The following ATF7 variants were observed in gnomAD, a reference collection of about 807,000 sequenced individuals.
The protein encoded by ATF7 is cyclic AMP-dependent transcription factor ATF-7.
ATF7 carries 10 observed loss-of-function variants against 50.4 expected under a neutral mutation model. The ratio of observed to expected loss-of-function variants is 0.20; its 90% confidence interval spans 0.12 to 0.34. The LOEUF (loss-of-function observed/expected upper bound fraction) is 0.34, where lower values mean the gene tolerates loss of function less well. Ranked by LOEUF, ATF7 falls within the 10% of genes least tolerant of loss-of-function variation. The pLI is 1.00. For missense variants in ATF7, 465 were observed against 613.9 expected, an observed-to-expected ratio of 0.76 and a Z score of 2.56; for synonymous variants, 201 against 226.4, an observed-to-expected ratio of 0.89 and a Z score of 1.01.
downstream of ATF7, among the ~76,000 whole-genome samples, chr12:53,511,343 G>T (rs1007477180): frequency 7.2e-5 from 11 of 152,146 alleles, no homozygotes; most frequent in Admixed American, 3.3e-4. Flanking sequence ...CTGCCTCCCA[G>T]GTTCAAGTGA....
intron 11 of ATF7, 144 bp downstream of exon 11, chr12:53,523,132 T>G (rs1938224742): frequency 3.3e-6 from 2 of 614,020 alleles, no homozygotes; most frequent in Admixed American, 2.9e-5. Context: ...TTTCTAGGTC[T>G]GGTTGCTCCA....
chr12:53,565,044 C>T (rs1941371930), intron 2 of ATF7, among the ~76,000 whole-genome samples: 1 of 152,086 alleles, frequency 6.6e-6, no homozygotes, highest in Non-Finnish European at 1.5e-5. Context: ...CCTCTAAGTA[C>T]CTAAGTTTTA....
intron 2 of ATF7, among the ~76,000 whole-genome samples, chr12:53,597,503 TTTTG>T (rs1221367466): frequency 2.0e-5 from 3 of 152,134 alleles, no homozygotes; most frequent in East Asian, 3.9e-4. Flanking sequence ...GTTCCTATAG[TTTTG>T]TTTGTTTTTT....
chr12:53,534,202 G>A (rs1019817883), intron 6 of ATF7, among the ~76,000 whole-genome samples: 2 of 152,104 alleles, frequency 1.3e-5, no homozygotes, highest in Non-Finnish European at 2.9e-5. Context: ...GCCTGAACCC[G>A]GGAGACGGAG....
intron 3 of ATF7, among the ~76,000 whole-genome samples, chr12:53,549,795 A>G (rs1233359928): frequency 6.6e-6 from 1 of 152,034 alleles, no homozygotes; most frequent in Non-Finnish European, 1.5e-5. Flanking sequence ...TCTGTTGGCC[A>G]GGCTTGTCTC....
chr12:53,545,065 G>C (rs748459883), intron 3 of ATF7, among the ~76,000 whole-genome samples: 1 of 152,126 alleles, frequency 6.6e-6, no homozygotes, highest in Non-Finnish European at 1.5e-5. Context: ...GAACAGGAGG[G>C]GGCAGCTAAG....
At chr12:53,523,520 C>A in intron 10 of ATF7, 136 bp from the exon 11 acceptor site, 1 of 660,998 alleles carries the variant, frequency 1.5e-6, no homozygotes, top group Non-Finnish European at 2.7e-6. Flanking sequence ...CCTGATCCAG[C>A]AAGGCTTCAC....
chr12:53,547,747 T>TTATGTATGTATG (rs57447677), intron 3 of ATF7, among the ~76,000 whole-genome samples: 2 of 149,082 alleles, frequency 1.3e-5, no homozygotes, highest in East Asian at 2.0e-4. Flanking sequence ...TCGGCTAATT[T>TTATGTATGTATG]TATGTATGTA....
chr12:53,603,495 C>T (rs548446585), intron 1 of ATF7, among the ~76,000 whole-genome samples: 2 of 152,170 alleles, frequency 1.3e-5, no homozygotes, highest in South Asian at 4.2e-4. Flanking sequence ...ACTAGGATTT[C>T]CTGCTTCCTT....
intron 9 of ATF7, among the ~76,000 whole-genome samples, chr12:53,525,288 G>A (rs1451889242): frequency 1.3e-5 from 2 of 152,200 alleles, no homozygotes; most frequent in African/African-American, 2.4e-5. Context: ...AGGAGGCGGA[G>A]GTTGCAGTGA....
chr12:53,510,852 T>C (rs778894973), downstream of ATF7, among the ~76,000 whole-genome samples: 27 of 152,208 alleles, frequency 1.8e-4, no homozygotes, highest in Non-Finnish European at 3.8e-4. Flanking sequence ...GAGTGCAGCT[T>C]CAGTGGTGGG....
intron 2 of ATF7, among the ~76,000 whole-genome samples, chr12:53,562,377 C>T (rs1167635225): frequency 3.9e-5 from 6 of 152,192 alleles, no homozygotes; most frequent in African/African-American, 1.4e-4. Context: ...CGGTGGCTCA[C>T]GCCTGTAATC....
Position 53,525,554 on chromosome 12 carries a change from G to C in ATF7, c.928-793C>G, listed in dbSNP as rs73115720. ...AATGTTCTTATCCATTTCACTGACA[G>C]TGACATATGAGTTATTATGGGGAGA... On this transcript the variant is annotated intron_variant, in intron 9 of 11. Coordinates refer to ENST00000420353, the MANE Select transcript of ATF7 (RefSeq NM_006856.3). 2.5e-3 allele frequency among the ~76,000 whole-genome samples: 387 copies of C among 152,286 alleles called. 2 individuals carry two copies. Among genetic ancestry groups the C allele is most frequent in the Non-Finnish European group, 2.2e-3 (148 of 68,032 alleles).
intron 3 of ATF7, among the ~76,000 whole-genome samples, chr12:53,546,014 G>A (rs1484776645): frequency 6.6e-6 from 1 of 152,124 alleles, no homozygotes; most frequent in East Asian, 1.9e-4. Flanking sequence ...CCAACATGGA[G>A]AAACCCTGTC....
intron 2 of ATF7, among the ~76,000 whole-genome samples, chr12:53,577,171 G>A (rs928112779): frequency 1.4e-4 from 21 of 152,092 alleles, no homozygotes; most frequent in Middle Eastern, 3.4e-3. Context: ...CTGTAGTTCC[G>A]GCTACTTGGG....
chr12:53,613,006 G>GA lies in ATF7; in HGVS notation c.-21-11986dup, dbSNP rs531723839. Among the ~76,000 whole-genome samples the GA allele has an allele frequency of 2.7e-4, 40 of 145,582 alleles. No individual in the cohort carries two copies. The South Asian group carries it at 5.4e-3, about 20-fold the overall frequency. ...ACGACAGAGCGAGACTCTGTCTCAA[G>GA]AAAAAAAAAAGGCAAGTGAGGCCAA... On this transcript the variant is annotated intron_variant, in intron 1 of 11. Transcript: ENST00000420353.
chr12:53,620,349 G>A (rs1944324372), intron 1 of ATF7, among the ~76,000 whole-genome samples: 1 of 151,858 alleles, frequency 6.6e-6, no homozygotes, highest in African/African-American at 2.4e-5. Flanking sequence ...GGCCGAGGCG[G>A]GCGGATCACG....
chr12:53,545,043 A>G (rs1056068943), intron 3 of ATF7, among the ~76,000 whole-genome samples: 1 of 152,166 alleles, frequency 6.6e-6, no homozygotes, highest in Admixed American at 6.5e-5. Context: ...ACCCAAAATC[A>G]TAACTCAAGT....
intron 3 of ATF7, among the ~76,000 whole-genome samples, chr12:53,545,652 T>G (rs183797665): frequency 9.7e-4 from 147 of 152,178 alleles, no homozygotes; most frequent in African/African-American, 3.3e-3. Flanking sequence ...ATCAGTAAGT[T>G]TTTACTGAAT....
Sources: gnomAD v4.1 joint callset for allele counts (sites outside exome capture counted in the v4.1 genomes callset) on GRCh38, gnomAD v4.1.1 for gene constraint, MANE v1.5 for transcripts, NCBI Gene and HGNC (gene_info 2026-07-23, HGNC 2026-07-21) for gene names.